HS6ST3: variants seen among roughly 807,000 people sequenced by gnomAD.
HS6ST3 encodes the protein heparan-sulfate 6-O-sulfotransferase 3.
Under a neutral mutation model 36.7 loss-of-function variants are expected in HS6ST3, and 12 were observed. The ratio of observed to expected loss-of-function variants is 0.33; its 90% confidence interval spans 0.21 to 0.53. The LOEUF (loss-of-function observed/expected upper bound fraction) is 0.53, where lower values mean the gene tolerates loss of function less well. HS6ST3 is among the 20% of genes least tolerant of loss of function. The pLI is 0.95. For synonymous variants in HS6ST3, 240 were observed against 257.5 expected (o/e 0.93, Z 0.65); for missense variants, 584 against 640.9 (o/e 0.91, Z 0.96).
At chr13:96,787,994 A>G (rs1481723841) in intron 1 of HS6ST3, among the ~76,000 whole-genome samples, 1 of 151,954 alleles carries the variant, frequency 6.6e-6, no homozygotes, top group Non-Finnish European at 1.5e-5. Context: ...CTCCAACACC[A>G]TTTGTTGAAG....
At chr13:96,198,813 A>G (rs1198462019) in intron 1 of HS6ST3, among the ~76,000 whole-genome samples, 1 of 152,162 alleles carries the variant, frequency 6.6e-6, no homozygotes, top group African/African-American at 2.4e-5. Flanking sequence ...TCTGATCTCT[A>G]AACTGTTCCA....
At chr13:96,205,913 A>T (rs2054367698) in intron 1 of HS6ST3, among the ~76,000 whole-genome samples, 1 of 152,174 alleles carries the variant, frequency 6.6e-6, no homozygotes, top group Non-Finnish European at 1.5e-5. Context: ...AAAGACAGGG[A>T]TACCCTCTCT....
At chr13:96,598,241 G>A (rs954613906) in intron 1 of HS6ST3, among the ~76,000 whole-genome samples, 8 of 151,952 alleles carry the variant, frequency 5.3e-5, no homozygotes, top group East Asian at 1.9e-4. Flanking sequence ...TAGGAATTGC[G>A]TTGAAACTGT....
intron 1 of HS6ST3, among the ~76,000 whole-genome samples, chr13:96,832,202 A>G (rs901698679): frequency 1.3e-5 from 2 of 152,160 alleles, no homozygotes; most frequent in African/African-American, 4.8e-5. Context: ...TTTATCAGTG[A>G]ATAATTGCTG....
rs1002428564 is a variant in HS6ST3 at position 96,439,538 on chromosome 13, G to A, written c.707+347969G>A. ...AGATTCTGGAACCTGGTTGTGTGTC[G>A]TTTATTTCATGGCTCTGGCACTTAG... is the stretch of plus-strand genomic sequence containing the variant. On this transcript the variant is annotated intron_variant, in intron 1 of 1. Coordinates refer to ENST00000376705, the MANE Select transcript of HS6ST3 (RefSeq NM_153456.4). 1.3e-4 allele frequency among the ~76,000 whole-genome samples: 20 copies of A among 152,274 alleles called. 1 individual carries two copies. The highest frequency in any genetic ancestry group is 1.0e-3 in the South Asian group (5 of 4,818).
At chr13:96,340,026 G>A (rs61966939) in intron 1 of HS6ST3, among the ~76,000 whole-genome samples, 14,891 of 152,232 alleles carry the variant, frequency 0.098, 783 homozygotes, top group Middle Eastern at 0.14. Context: ...GCTCTGTGCA[G>A]TGTTTTCCAG....
chr13:96,716,432 T>C (rs1164611521), intron 1 of HS6ST3, among the ~76,000 whole-genome samples: 1 of 152,164 alleles, frequency 6.6e-6, no homozygotes, highest in East Asian at 1.9e-4. Context: ...AGAGTGCAAC[T>C]TAAATTCCAT....
At chr13:96,568,291 G>C (rs1302272080) in intron 1 of HS6ST3, among the ~76,000 whole-genome samples, 2 of 149,610 alleles carry the variant, frequency 1.3e-5, no homozygotes, top group Non-Finnish European at 2.9e-5. Flanking sequence ...TTTTGAGACA[G>C]AGTCTTGCTC....
intron 1 of HS6ST3, among the ~76,000 whole-genome samples, chr13:96,508,675 A>G (rs1238462942): frequency 6.6e-6 from 1 of 152,076 alleles, no homozygotes; most frequent in African/African-American, 2.4e-5. Flanking sequence ...AATGGCCTTC[A>G]GCTCCATCTA....
intron 1 of HS6ST3, among the ~76,000 whole-genome samples, chr13:96,265,660 G>A (rs1400962188): frequency 6.6e-6 from 1 of 152,180 alleles, no homozygotes; most frequent in Non-Finnish European, 1.5e-5. Context: ...TTGCAGACCC[G>A]TGGTGATGCG....
chr13:96,431,339 C>G (rs1265576122), intron 1 of HS6ST3, among the ~76,000 whole-genome samples: 2 of 152,166 alleles, frequency 1.3e-5, no homozygotes, highest in Non-Finnish European at 2.9e-5. Flanking sequence ...TCTCTTTCCT[C>G]TTTCGTTCCC....
chr13:96,673,423 C>G lies in HS6ST3; in HGVS notation c.708-159067C>G, dbSNP rs1203804172. 2.0e-5 allele frequency among the ~76,000 whole-genome samples: 3 copies of G among 152,130 alleles called. No individual in the cohort carries two copies. In the East Asian group the frequency reaches 5.8e-4, roughly 29 times the overall value. On this transcript the variant is annotated intron_variant, in intron 1 of 1. Transcript: ENST00000376705. ...TAAACTGGTATTTCATTCCTTTTAG[C>G]TGTTAGAATCTCTTCTCTTTGAAAT... is the stretch of plus-strand genomic sequence containing the variant.
intron 1 of HS6ST3, among the ~76,000 whole-genome samples, chr13:96,120,159 C>T (rs1371002559): frequency 1.3e-5 from 2 of 152,152 alleles, no homozygotes; most frequent in Non-Finnish European, 1.5e-5. Flanking sequence ...CAGCTATAAG[C>T]CAAGAAATGG....
At chr13:96,289,482 A>G (rs967101568) in intron 1 of HS6ST3, among the ~76,000 whole-genome samples, 54 of 152,192 alleles carry the variant, frequency 3.5e-4, no homozygotes, top group African/African-American at 1.1e-3. Context: ...TCACTATGAA[A>G]AGAATGATTT....
At chr13:96,422,401 A>G (rs2139468982) in intron 1 of HS6ST3, among the ~76,000 whole-genome samples, 1 of 152,290 alleles carries the variant, frequency 6.6e-6, no homozygotes, top group African/African-American at 2.4e-5. Context: ...GTGTTCTAGA[A>G]AATAGAGGAC....
At chr13:96,596,065 C>G (rs1017031627) in intron 1 of HS6ST3, among the ~76,000 whole-genome samples, 1 of 152,096 alleles carries the variant, frequency 6.6e-6, no homozygotes, top group African/African-American at 2.4e-5. Flanking sequence ...ACATGGTACT[C>G]AACAGGTAAT....
intron 1 of HS6ST3, among the ~76,000 whole-genome samples, chr13:96,212,834 A>T (rs2054405446): frequency 6.6e-6 from 1 of 152,180 alleles, no homozygotes; most frequent in Non-Finnish European, 1.5e-5. Context: ...CTATTATCAT[A>T]CATGGCAGAC....
chr13:96,576,758 A>G (rs1398051019), intron 1 of HS6ST3, among the ~76,000 whole-genome samples: 1 of 151,940 alleles, frequency 6.6e-6, no homozygotes, highest in African/African-American at 2.4e-5. Context: ...CCTGGCCAAC[A>G]TTGTGACACT....
At chr13:96,147,778 A>C (rs1016211513) in intron 1 of HS6ST3, among the ~76,000 whole-genome samples, 4 of 146,118 alleles carry the variant, frequency 2.7e-5, no homozygotes, top group Non-Finnish European at 6.1e-5. Flanking sequence ...CAATTTGGAA[A>C]ATGAATGAAT....
Sources: gnomAD v4.1 joint callset for allele counts (sites outside exome capture counted in the v4.1 genomes callset) on GRCh38, gnomAD v4.1.1 for gene constraint, MANE v1.5 for transcripts, NCBI Gene and HGNC (gene_info 2026-07-23, HGNC 2026-07-21) for gene names.